CEP72: variants seen among roughly 807,000 people sequenced by gnomAD.
The protein encoded by CEP72 is centrosomal protein 72, also known as centrosomal protein of 72 kDa.
In CEP72, 78 loss-of-function variants were observed where a neutral mutation model predicts 65.7. The ratio of observed to expected loss-of-function variants is 1.19; its 90% CI spans 0.99 to 1.43. CEP72 has a LOEUF of 1.43. Ranked by LOEUF, CEP72 falls within the 40% of genes most tolerant of loss-of-function variation. CEP72 has a pLI of 0.00. For missense variants in CEP72, 914 were observed against 832.9 expected, an observed-to-expected ratio of 1.10 and a Z score of -1.20; for synonymous variants, 358 against 351.7, an observed-to-expected ratio of 1.02 and a Z score of -0.20.
At position 638,564 on chromosome 5, in the gene CEP72, G is replaced by C. The variant is rs867666886; in HGVS notation, c.1207-525G>C. The stretch of plus-strand genomic sequence containing the variant: ...AGGCAGCTCCGTAGCAGCATGGGGT[G>C]GGGGGGGGTCCCAGAGCTGGGTGGG... On this transcript the variant is annotated intron_variant, in intron 7 of 11. Coordinates refer to ENST00000264935, the MANE Select transcript of CEP72 (RefSeq NM_018140.4). Among the ~76,000 whole-genome samples the C allele has an allele frequency of 5.4e-5, 8 of 147,664 alleles. No individual in the cohort carries two copies. The East Asian group carries it at 7.0e-4, about 13-fold the overall frequency.
intron 4 of CEP72, among the ~76,000 whole-genome samples, chr5:627,618 G>A (rs1021861861): frequency 1.1e-4 from 17 of 151,968 alleles, no homozygotes; most frequent in East Asian, 3.9e-4. Flanking sequence ...GTTTTTTTAC[G>A]GAGGGCTAGA....
downstream of CEP72, among the ~76,000 whole-genome samples, chr5:657,964 G>C (rs1466112889): frequency 1.3e-5 from 2 of 152,214 alleles, no homozygotes; most frequent in Admixed American, 6.5e-5. Context: ...GGCTGAGCAG[G>C]CTTTCCATTT....
chr5:653,210 C>T lies in CEP72; in HGVS notation c.*57C>T. 6.8e-7 allele frequency: 1 copy of T among 1,462,622 alleles called. No individual in the cohort carries two copies. The highest frequency in any genetic ancestry group is 9.1e-7 in the Non-Finnish European group (1 of 1,098,078). The allele number at this position is 1,462,622 out of a possible 1,614,324, so 90.6% of individuals were successfully genotyped here. A position where few individuals can be genotyped will look rare whatever the true frequency, so the allele number is the denominator to read the frequency against. On this transcript the variant is annotated 3_prime_UTR_variant, in exon 12 of 12. Coordinates refer to ENST00000264935, the MANE Select transcript of CEP72 (RefSeq NM_018140.4). ...CTTCCTGGTAAAGTTACATTGTCTG[C>T]ACCTTTGTACTTCTTTATTGAGTGT...
In CEP72 at chr5:653,379, A is replaced by G. The variant is rs1269876397; in HGVS notation, c.*226A>G. ...CTCTGCATGTTTTCAGACAGAACAC[A>G]TTGACATATTTTGAGACAAACTGAC... On this transcript the variant is annotated 3_prime_UTR_variant, in exon 12 of 12. Coordinates refer to ENST00000264935, the MANE Select transcript of CEP72 (RefSeq NM_018140.4). 9.7e-6 allele frequency: 4 copies of G among 413,880 alleles called. No homozygotes were observed. Among genetic ancestry groups the G allele is most frequent in the Non-Finnish European group, 1.7e-5 (4 of 234,132 alleles). 25.6% of individuals were successfully genotyped at this position (413,880 alleles called of 1,614,324 possible). A position where few individuals can be genotyped will look rare whatever the true frequency, so the allele number is the denominator to read the frequency against.
At chr5:616,934 G>A (rs1001174220) in intron 1 of CEP72, among the ~76,000 whole-genome samples, 4 of 151,654 alleles carry the variant, frequency 2.6e-5, no homozygotes, top group African/African-American at 9.7e-5. Flanking sequence ...GTGTGCGTGT[G>A]TGTATGTGTT....
At chr5:635,730 C>G in intron 6 of CEP72, 146 bp downstream of exon 6, 1 of 652,532 alleles carries the variant, frequency 1.5e-6, no homozygotes, top group Non-Finnish European at 2.7e-6. Context: ...GGTGCTGGTC[C>G]TCCCATGGCA....
chr5:640,419 C>G lies in CEP72; in HGVS notation c.1354C>G (p.His452Asp). The change falls in exon 9 of 12, where the codon CAC becomes GAC. Residue 452 changes from histidine (H) to aspartate (D), a missense_variant. By Grantham distance (81) the His-to-Asp change is moderately conservative (BLOSUM62 -1). Transcript: ENST00000264935. ...GTTTTCACTCCTAGCTCAGGCAAGACACATCTTGTCATCTGTTGAAGAATT... is the reference window on the plus strand; with the variant it reads ...GTTTTCACTCCTAGCTCAGGCAAGAGACATCTTGTCATCTGTTGAAGAATT... ...SNEAFLAQAR[H>D]ILSSVEEFTA... 6.2e-7 allele frequency: 1 copy of G among 1,613,676 alleles called. No individual in the cohort carries two copies. The highest frequency in any genetic ancestry group is 8.5e-7 in the Non-Finnish European group (1 of 1,179,664).
intron 5 of CEP72, among the ~76,000 whole-genome samples, chr5:634,741 C>G (rs1737473789): frequency 6.6e-6 from 1 of 152,136 alleles, no homozygotes; most frequent in Non-Finnish European, 1.5e-5. Context: ...CCTAAGAGAT[C>G]TTGGTGGTTT....
chr5:628,841 G>C (rs1198120098), intron 4 of CEP72, among the ~76,000 whole-genome samples: 7 of 131,824 alleles, frequency 5.3e-5, no homozygotes, highest in East Asian at 5.3e-4. Flanking sequence ...AGTGGCCCCA[G>C]GACCCAGCGC....
chr5:675,462 A>T, the CEP72 span, among the ~76,000 whole-genome samples: 1 of 35,522 alleles, frequency 2.8e-5, no homozygotes. Flanking sequence ...GGGGTGCAGC[A>T]CAGGGGGTGC....
At chr5:635,335 T>G in intron 5 of CEP72, 37 bp from the exon 6 acceptor site, 1 of 1,416,602 alleles carries the variant, frequency 7.1e-7, no homozygotes, top group Non-Finnish European at 9.8e-7. Context: ...ACTTTTACAA[T>G]GTTTTATGAA....
Position 633,949 on chromosome 5 carries a change from T to C in CEP72, c.691+2T>C. On this transcript the variant is annotated splice_donor_variant, in intron 5 of 11. Transcript: ENST00000264935. LOFTEE classifies it high-confidence loss of function. ...AGGCCGACTCTCGTGGTTCCCAAGG[T>C]GCGCTGCTCATCTGCCAGGAGGCCA... 1 of 1,610,746 alleles carries C rather than the reference T, an allele frequency of 6.2e-7. No homozygotes were observed. The highest frequency in any genetic ancestry group is 8.5e-7 in the Non-Finnish European group (1 of 1,179,790).
At chr5:634,395 G>A (rs1561043915) in intron 5 of CEP72, among the ~76,000 whole-genome samples, 1 of 152,244 alleles carries the variant, frequency 6.6e-6, no homozygotes, top group South Asian at 2.1e-4. Flanking sequence ...CCTCCACTGG[G>A]ATGTGCTGAT....
At chr5:632,073 C>A (rs1440505414) in intron 4 of CEP72, among the ~76,000 whole-genome samples, 7 of 46,934 alleles carry the variant, frequency 1.5e-4, no homozygotes, top group East Asian at 1.5e-3. Context: ...CGGGATTTGG[C>A]CCAGTCCTGG....
the CEP72 span, among the ~76,000 whole-genome samples, chr5:673,008 A>G: frequency 6.6e-6 from 1 of 152,154 alleles, no homozygotes; most frequent in East Asian, 1.9e-4. Context: ...GAAAACAGAA[A>G]TCGGTAGACT....
chr5:633,026 T>G (rs1420326357), intron 4 of CEP72, among the ~76,000 whole-genome samples: 1 of 57,490 alleles, frequency 1.7e-5, no homozygotes, highest in African/African-American at 1.4e-4. Flanking sequence ...CTGGTGGGGT[T>G]CTGTCCAGTG....
intron 11 of CEP72, among the ~76,000 whole-genome samples, chr5:648,577 T>TG (rs1738606368): frequency 3.8e-5 from 5 of 129,980 alleles, no homozygotes; most frequent in African/African-American, 6.1e-5. Context: ...CTGTGAGGTG[T>TG]GACTGTGAGG....
chr5:633,768 G>T lies in CEP72; in HGVS notation c.513-1G>T. The T allele has an allele frequency of 6.2e-7, 1 of 1,613,932 alleles. No individual in the cohort carries two copies. The highest frequency in any genetic ancestry group is 1.1e-5 in the South Asian group (1 of 91,062). Reference sequence around the variant, plus strand: ...GCTGATGAGTTTGCTTTTCCTTACAGACCACACCACCCCAGAGCCAAGTGC... The same window carrying T: ...GCTGATGAGTTTGCTTTTCCTTACATACCACACCACCCCAGAGCCAAGTGC... On this transcript the variant is annotated splice_acceptor_variant, in intron 4 of 11. Coordinates refer to ENST00000264935, the MANE Select transcript of CEP72 (RefSeq NM_018140.4). LOFTEE classifies it high-confidence loss of function.
chr5:654,520 C>T (rs1308816350), downstream of CEP72, among the ~76,000 whole-genome samples: 1 of 152,146 alleles, frequency 6.6e-6, no homozygotes, highest in East Asian at 1.9e-4. Flanking sequence ...ACTCTGCTGT[C>T]TCTTCCCCGA....
Sources: gnomAD v4.1 joint callset for allele counts (sites outside exome capture counted in the v4.1 genomes callset) on GRCh38, gnomAD v4.1.1 for gene constraint, MANE v1.5 for transcripts, NCBI Gene and HGNC (gene_info 2026-07-23, HGNC 2026-07-21) for gene names.